Variants in IGF2R observed in about 807,000 individuals in gnomAD.
IGF2R encodes insulin like growth factor 2 receptor, also known as cation-independent mannose-6-phosphate receptor.
A neutral mutation model predicts 270.6 loss-of-function variants in IGF2R; 91 were observed. The observed-to-expected ratio is 0.34, with a 90% CI of 0.28 to 0.40. The LOEUF (loss-of-function observed/expected upper bound fraction) is 0.40, where lower values mean the gene tolerates loss of function less well. IGF2R is among the 10% of genes least tolerant of loss of function. The pLI, the probability that IGF2R is intolerant of heterozygous loss-of-function variation, is 1.00. For missense variants in IGF2R, 2,805 were observed against 3,188.3 expected (o/e 0.88, Z 2.90); for synonymous variants, 1,316 against 1,258.9 (o/e 1.05, Z -0.96).
In IGF2R at chr6:160,089,259, TA is replaced by T. The variant is rs1417934785; in HGVS notation, c.6467+10del. 1 of 1,602,754 alleles carries T rather than the reference TA, an allele frequency of 6.2e-7. No individual in the cohort carries two copies. Among genetic ancestry groups the T allele is most frequent in the Non-Finnish European group, 8.5e-7 (1 of 1,172,376 alleles). ...CTCGGAGATATTTATTTTAAGTAAG[TA>T]AAACGTTTTCCTTCTGAGCTGTGAA... On this transcript the variant is annotated splice_region_variant and intron_variant, in intron 43 of 47. Transcript: ENST00000356956.
At chr6:160,044,470 C>G (rs1324871966) in intron 12 of IGF2R, 44 bp from the exon 13 acceptor site, 12 of 1,438,910 alleles carry the variant, frequency 8.3e-6, no homozygotes, top group Non-Finnish European at 1.2e-5. Flanking sequence ...GCGTGATGAT[C>G]ATTTTTAACC....
rs370221567 is a variant in IGF2R, at chr6:160,073,964, G to C, written c.5155G>C (p.Gly1719Arg). ...GAAVCKVPID[G>R]PPIDIGRVAG... ...CGCTGTGTGCAAAGTTCCTATTGAT[G>C]GTCCCCCCATAGTAAGTATGACAAA... Residue 1719 changes from glycine to arginine, a missense_variant, in exon 35 of 48, where the codon GGT (glycine) becomes CGT (arginine). Physicochemically the swap from Gly to Arg is moderately radical, Grantham distance 125. Around this residue, in one of 2 missense-constraint regions of IGF2R, gnomAD observed 1,851 missense variants for 2,207.2 expected, o/e 0.84. Transcript: ENST00000356956. 2.5e-6 allele frequency: 4 copies of C among 1,611,222 alleles called. No individual in the cohort carries two copies. In the African/African-American group the frequency reaches 5.3e-5, roughly 22 times the overall value.
Position 160,096,630 on chromosome 6 carries a change from G to A in IGF2R, c.6842+5G>A. On this transcript the variant is annotated splice_donor_5th_base_variant and intron_variant, in intron 45 of 47. Transcript: ENST00000356956. ...CTCAGCCGTGTGTCCTCTGGGGTGA[G>A]TATGACATCCGGAAGCTTAGCACTT... The A allele has an allele frequency of 6.2e-7, 1 of 1,604,516 alleles. No individual in the cohort carries two copies. The highest frequency in any genetic ancestry group is 1.3e-5 in the African/African-American group (1 of 74,846).
intron 44 of IGF2R, chr6:160,095,815 T>C (rs1779344218): frequency 6.6e-6 from 1 of 152,546 alleles, no homozygotes; most frequent in African/African-American, 2.4e-5. Flanking sequence ...CGCTGCTTGC[T>C]TGCTTGTTTC....
At chr6:160,072,643 G>A (rs1778767685) in intron 32 of IGF2R, 122 bp from the exon 33 acceptor site, 2 of 990,138 alleles carry the variant, frequency 2.0e-6, no homozygotes, top group African/African-American at 1.6e-5. Context: ...TAGGACAGGG[G>A]TCGTGGTGAG....
At position 160,107,357 on chromosome 6, in the gene IGF2R, G is replaced by C. The variant is rs1779644306; in HGVS notation, c.*2273G>C. The C allele has an allele frequency of 6.6e-6, 1 of 152,256 alleles. No individual in the cohort carries two copies. Among genetic ancestry groups the C allele is most frequent in the Non-Finnish European group, 1.5e-5 (1 of 68,050 alleles). 9.4% of individuals were successfully genotyped at this position (152,256 alleles called of 1,614,324 possible). ...AAAAGGCATGTTGTCTGCACCACTGGCTGCCTGCTAATGTCGCTGTCAGTG... is the reference window on the plus strand; with the variant it reads ...AAAAGGCATGTTGTCTGCACCACTGCCTGCCTGCTAATGTCGCTGTCAGTG... On this transcript the variant is annotated 3_prime_UTR_variant, in exon 48 of 48. Transcript: ENST00000356956.
intron 7 of IGF2R, among the ~76,000 whole-genome samples, chr6:160,030,029 G>T (rs1327289012): frequency 6.6e-6 from 1 of 152,184 alleles, no homozygotes; most frequent in Non-Finnish European, 1.5e-5. Context: ...TTTCAAGCCT[G>T]TGATTTCTTA....
chr6:160,090,192 C>T, intron 44 of IGF2R, 89 bp downstream of exon 44: 1 of 919,284 alleles, frequency 1.1e-6, no homozygotes, highest in Non-Finnish European at 1.6e-6. Context: ...CAGTTGAAAT[C>T]TCGGACCACT....
At chr6:160,024,872 C>T (rs1438629263) in intron 5 of IGF2R, among the ~76,000 whole-genome samples, 168 bp downstream of exon 5, 1 of 152,188 alleles carries the variant, frequency 6.6e-6, no homozygotes, top group Non-Finnish European at 1.5e-5. Flanking sequence ...CCCACCTCTT[C>T]TCCCCCAGTA....
intron 1 of IGF2R, among the ~76,000 whole-genome samples, chr6:159,972,743 G>A (rs1783628726): frequency 1.3e-5 from 2 of 152,248 alleles, no homozygotes; most frequent in Non-Finnish European, 2.9e-5. Flanking sequence ...GAACGAAGGA[G>A]ACAGCACCAT....
intron 7 of IGF2R, among the ~76,000 whole-genome samples, chr6:160,031,490 C>G (rs1180272981): frequency 6.6e-6 from 1 of 151,928 alleles, no homozygotes; most frequent in Non-Finnish European, 1.5e-5. Context: ...CATTCATACC[C>G]CAAGCCCTGG....
Position 160,044,562 on chromosome 6 carries a change from A to G in IGF2R, c.1670A>G (p.Lys557Arg), listed in dbSNP as rs768792641. The G allele has an allele frequency of 3.1e-6, 5 of 1,608,944 alleles. No homozygotes were observed. The East Asian group carries it at 1.1e-4, about 36-fold the overall frequency. The part of the protein sequence containing the change: ...NLGKFISSPM[K>R]EKGNIQLSYS... ...GGAAAATTTATTTCCTCTCCCATGA[A>G]AGAGAAAGGAAACATTCAACTCTCT... The change falls in exon 13 of 48, where the codon AAA (lysine) becomes AGA (arginine). Residue 557 changes from lysine to arginine, a missense_variant. Transcript: ENST00000356956.
At chr6:160,072,642 G>A in intron 32 of IGF2R, 123 bp from the exon 33 acceptor site, 1 of 970,026 alleles carries the variant, frequency 1.0e-6, no homozygotes, top group Non-Finnish European at 1.6e-6. Context: ...TTAGGACAGG[G>A]GTCGTGGTGA....
chr6:160,075,608 A>C (rs1019707264), intron 35 of IGF2R, among the ~76,000 whole-genome samples: 2 of 152,212 alleles, frequency 1.3e-5, no homozygotes, highest in Admixed American at 6.5e-5. Flanking sequence ...GATACCTAGA[A>C]ATAGAACCAA....
At position 160,063,645 on chromosome 6, in the gene IGF2R, C is replaced by A. The variant is rs779143766; in HGVS notation, c.3886+15C>A. 1 of 1,589,074 alleles carries A rather than the reference C, an allele frequency of 6.3e-7. No individual in the cohort carries two copies. Among genetic ancestry groups the A allele is most frequent in the South Asian group, 1.1e-5 (1 of 88,824 alleles). On this transcript the variant is annotated intron_variant, in intron 27 of 47. Transcript: ENST00000356956. Reference sequence around the variant, plus strand: ...CAAAGTGGCAGGTACCATTGTTTGTCGTTTTCCTTTTGTTGCAAAGGAATG... The same window carrying A: ...CAAAGTGGCAGGTACCATTGTTTGTAGTTTTCCTTTTGTTGCAAAGGAATG...
chr6:160,079,998 G>C, intron 38 of IGF2R, 131 bp from the exon 39 acceptor site: 3 of 1,168,908 alleles, frequency 2.6e-6, no homozygotes, highest in Non-Finnish European at 3.7e-6. Flanking sequence ...GTGAGTTTTG[G>C]CAGGTGAATG....
At chr6:160,073,582 C>A in intron 34 of IGF2R, 113 bp downstream of exon 34, 1 of 1,266,304 alleles carries the variant, frequency 7.9e-7, no homozygotes, top group Non-Finnish European at 1.1e-6. Context: ...CTGTCCACTC[C>A]TGATCACCCC....
rs1482032791 is a variant in IGF2R at position 160,107,221 on chromosome 6, G to C, written c.*2137G>C. 1 of 152,210 alleles carries C rather than the reference G, an allele frequency of 6.6e-6. No individual in the cohort carries two copies. Among genetic ancestry groups the C allele is most frequent in the Non-Finnish European group, 1.5e-5 (1 of 68,036 alleles). 9.4% of individuals were successfully genotyped at this position (152,210 alleles called of 1,614,324 possible). On this transcript the variant is annotated 3_prime_UTR_variant, in exon 48 of 48. Transcript: ENST00000356956. ...TGCTGGTCCTCAGGCATTCTACCCA[G>C]GGGGCTGTTCTCCAGGCCATTCCCA...
rs532240139 is a variant in IGF2R at position 160,080,254 on chromosome 6, G to A, written c.5812G>A (p.Glu1938Lys). 1.7e-5 allele frequency: 27 copies of A among 1,614,040 alleles called. No homozygotes were observed. In the East Asian group the frequency reaches 3.1e-4, roughly 19 times the overall value. The change falls in exon 39 of 48, where the codon GAG becomes AAG. Residue 1938 changes from glutamate to lysine, a missense_variant. Glu to Lys is a moderately conservative substitution (Grantham distance 56). Around this residue, in one of 2 missense-constraint regions of IGF2R, gnomAD observed 1,851 missense variants for 2,207.2 expected, o/e 0.84. Coordinates refer to ENST00000356956, the MANE Select transcript of IGF2R (RefSeq NM_000876.4). ...AACTGCGGACTACGACAGAGACCACGAGTGGGGCTTCTGCAGACACTGTGA... is the reference window on the plus strand; with the variant it reads ...AACTGCGGACTACGACAGAGACCACAAGTGGGGCTTCTGCAGACACTGTGA... ...STTADYDRDH[E>K]WGFCRHSNSY...
Sources: allele counts gnomAD v4.1 joint callset (sites outside exome capture counted in the v4.1 genomes callset), GRCh38; gene constraint gnomAD v4.1.1; regional missense constraint gnomAD v4.1.1; transcripts MANE v1.5; gene names NCBI Gene and HGNC (gene_info 2026-07-23, HGNC 2026-07-21).